The following BBOF1 variants were observed in gnomAD, a reference collection of about 807,000 sequenced individuals.
BBOF1 encodes basal body-orientation factor 1.
In BBOF1, 62 loss-of-function variants were observed where a neutral mutation model predicts 68.0. That is an observed-to-expected ratio of 0.91 (90% CI 0.74 to 1.13). The LOEUF (loss-of-function observed/expected upper bound fraction) is 1.13. Among genes scored for constraint, BBOF1 ranks in the 50% most tolerant of loss-of-function variants. BBOF1 has a pLI of 0.00. For synonymous variants in BBOF1, 208 were observed against 198.8 expected (o/e 1.05, Z -0.39); for missense variants, 534 against 600.1 (o/e 0.89, Z 1.15).
chr14:74,067,800 C>T (rs1243018274), downstream of BBOF1, among the ~76,000 whole-genome samples: 1 of 152,038 alleles, frequency 6.6e-6, no homozygotes, highest in Non-Finnish European at 1.5e-5. Flanking sequence ...TGGCACCAGT[C>T]TGTGGTCCCA....
chr14:74,056,324 C>T (rs9743885), intron 9 of BBOF1, among the ~76,000 whole-genome samples: 4,883 of 151,594 alleles, frequency 0.032, 201 homozygotes, highest in African/African-American at 0.097. Flanking sequence ...TTCAGCCTCC[C>T]GAGTAGCTAG....
downstream of BBOF1, among the ~76,000 whole-genome samples, chr14:74,070,139 C>A (rs78889821): frequency 6.6e-6 from 1 of 152,110 alleles, no homozygotes; most frequent in Non-Finnish European, 1.5e-5. Context: ...CTGCACCCAG[C>A]CTTAATCTAA....
At chr14:74,061,776 ACTCT>A (rs1306888039) in intron 11 of BBOF1, among the ~76,000 whole-genome samples, 5 of 152,210 alleles carry the variant, frequency 3.3e-5, no homozygotes, top group South Asian at 2.1e-4. Context: ...AGCATATTTA[ACTCT>A]CTCTATATAT....
intron 9 of BBOF1, chr14:74,071,224 G>A: frequency 1.1e-5 from 17 of 1,614,178 alleles, no homozygotes; most frequent in Non-Finnish European, 1.4e-5. Flanking sequence ...GATGTTTAAT[G>A]TTCCATCAGG....
intron 8 of BBOF1, among the ~76,000 whole-genome samples, chr14:74,052,325 T>A (rs189062236): frequency 2.6e-5 from 4 of 151,842 alleles, no homozygotes; most frequent in Non-Finnish European, 4.4e-5. Flanking sequence ...ATTGCCTCTA[T>A]CAGCAGGGCA....
At chr14:74,029,007 G>A (rs1201613031) in intron 2 of BBOF1, among the ~76,000 whole-genome samples, 177 bp from the exon 3 acceptor site, 2 of 152,050 alleles carry the variant, frequency 1.3e-5, no homozygotes, top group Admixed American at 6.6e-5. Flanking sequence ...CCAGGTTTTA[G>A]AAACTGGCAA....
chr14:74,057,118 G>A (rs779735696), intron 10 of BBOF1, 26 bp from the exon 11 acceptor site: 40 of 1,604,916 alleles, frequency 2.5e-5, no homozygotes, highest in Non-Finnish European at 3.2e-5. Flanking sequence ...GTTGTTGACG[G>A]TTCTGTTATT....
At chr14:74,066,838 T>C, downstream of BBOF1, 1 of 1,614,110 alleles carries the variant, frequency 6.2e-7, no homozygotes, top group Non-Finnish European at 8.5e-7. Context: ...GACTCGCTCT[T>C]TGGCCTGGGG....
intron 8 of BBOF1, among the ~76,000 whole-genome samples, chr14:74,053,175 C>T (rs920909399): frequency 1.3e-5 from 2 of 151,674 alleles, no homozygotes; most frequent in African/African-American, 4.8e-5. Flanking sequence ...AGTGCAGTGG[C>T]GATCTTGGCT....
rs751441701 is a variant in BBOF1 at position 74,046,043 on chromosome 14, C to T, written c.577-17C>T. 6.3e-7 allele frequency: 1 copy of T among 1,590,888 alleles called. No individual in the cohort carries two copies. Among genetic ancestry groups the T allele is most frequent in the African/African-American group, 1.3e-5 (1 of 74,256 alleles). On this transcript the variant is annotated splice_polypyrimidine_tract_variant and intron_variant, in intron 5 of 11. Coordinates refer to ENST00000394009, the MANE Select transcript of BBOF1 (RefSeq NM_025057.3). ...GTTAGGGGCATAATTATTTAAGCAG[C>T]CCATTTTCTTTTTTAGCACCGACTA...
intron 11 of BBOF1, chr14:74,057,463 G>A (rs988673087): frequency 2.1e-5 from 31 of 1,450,916 alleles, no homozygotes; most frequent in Non-Finnish European, 2.6e-5. Context: ...ATGCAAATGT[G>A]TGCCTCTTTT....
chr14:74,019,626 C>A, intron 1 of BBOF1, 92 bp downstream of exon 1: 3 of 1,529,154 alleles, frequency 2.0e-6, no homozygotes, highest in Non-Finnish European at 2.6e-6. Context: ...CGCGCCGGCC[C>A]ACTCGGACCC....
chr14:74,071,859 T>A (rs775588434), intron 9 of BBOF1: 2 of 1,603,548 alleles, frequency 1.2e-6, no homozygotes, highest in South Asian at 1.1e-5. Flanking sequence ...CTTCCTTTGG[T>A]CCTTCCCAAA....
At chr14:74,062,088 G>A (rs930701414) in intron 11 of BBOF1, among the ~76,000 whole-genome samples, 7 of 147,742 alleles carry the variant, frequency 4.7e-5, no homozygotes, top group African/African-American at 1.0e-4. Flanking sequence ...AAAGCTGGGC[G>A]TGGTGGAGCC....
chr14:74,053,474 C>A (rs1266356521), intron 8 of BBOF1, among the ~76,000 whole-genome samples: 1 of 151,582 alleles, frequency 6.6e-6, no homozygotes, highest in Non-Finnish European at 1.5e-5. Flanking sequence ...GTGGCACCAT[C>A]ATGGCTCACT....
chr14:74,019,391 C>A lies in BBOF1; in HGVS notation c.-88C>A. 2.0e-6 allele frequency: 3 copies of A among 1,493,952 alleles called. No individual in the cohort carries two copies. Among genetic ancestry groups the A allele is most frequent in the Non-Finnish European group, 2.7e-6 (3 of 1,116,856 alleles). The allele number at this position is 1,493,952 out of a possible 1,614,324, so 92.5% of individuals were successfully genotyped here. ...AGCGGCGCGGGTGGGGCATTGCCAG[C>A]TCGGCGTCCCGGTTCCCTTGGAGAC... On this transcript the variant is annotated 5_prime_UTR_variant, in exon 1 of 12. Transcript: ENST00000394009.
intron 6 of BBOF1, 98 bp downstream of exon 6, chr14:74,046,228 G>T (rs2059945986): frequency 9.1e-7 from 1 of 1,095,696 alleles, no homozygotes; most frequent in East Asian, 2.8e-5. Context: ...CTTCTGTTCT[G>T]GCTTACTTGC....
chr14:74,032,158 C>T (rs2059586819), intron 3 of BBOF1, among the ~76,000 whole-genome samples: 1 of 136,214 alleles, frequency 7.3e-6, no homozygotes, highest in African/African-American at 2.8e-5. Context: ...CAGAGTCTCG[C>T]TCTTGTCTCC....
chr14:74,069,192 C>T, downstream of BBOF1: 1 of 445,576 alleles, frequency 2.2e-6, no homozygotes, highest in Non-Finnish European at 4.1e-6. Flanking sequence ...GCAACCTCCG[C>T]CTCCCAGGTT....
Sources: allele counts gnomAD v4.1 joint callset (sites outside exome capture counted in the v4.1 genomes callset), GRCh38; gene constraint gnomAD v4.1.1; transcripts MANE v1.5; gene names NCBI Gene and HGNC (gene_info 2026-07-23, HGNC 2026-07-21).